The following PRKD1 variants were observed in gnomAD, a reference collection of about 807,000 sequenced individuals.
PRKD1 encodes the protein serine/threonine-protein kinase D1.
A neutral mutation model predicts 95.9 loss-of-function variants in PRKD1; 63 were observed. The ratio of observed to expected loss-of-function variants is 0.66; its 90% CI spans 0.54 to 0.81. The LOEUF is 0.81. PRKD1 is among the 30% of genes least tolerant of loss of function. The probability of loss-of-function intolerance (pLI) is 0.00; values close to 1 mark genes in which losing one functional copy is unlikely to be tolerated. For synonymous variants in PRKD1, 425 were observed against 423.1 expected (o/e 1.00, Z -0.05); for missense variants, 1,048 against 1,165.3 (o/e 0.90, Z 1.47).
chr14:29,795,837 A>G (rs1002515958), intron 1 of PRKD1, among the ~76,000 whole-genome samples: 1 of 152,134 alleles, frequency 6.6e-6, no homozygotes, highest in African/African-American at 2.4e-5. Flanking sequence ...TTATAATTCA[A>G]CTTTCAATGT....
intron 2 of PRKD1, among the ~76,000 whole-genome samples, chr14:29,666,618 T>C (rs1882528844): frequency 6.6e-6 from 1 of 152,168 alleles, no homozygotes; most frequent in African/African-American, 2.4e-5. Context: ...TGAATTCAGA[T>C]AGATCCGAAA....
intron 1 of PRKD1, among the ~76,000 whole-genome samples, chr14:29,726,999 GT>G (rs1886186786): frequency 6.6e-6 from 1 of 152,124 alleles, no homozygotes; most frequent in Non-Finnish European, 1.5e-5. Context: ...GGTTGAACTA[GT>G]TTACAGTCCC....
At chr14:29,595,862 A>T (rs985812236) in intron 16 of PRKD1, among the ~76,000 whole-genome samples, 2 of 152,226 alleles carry the variant, frequency 1.3e-5, no homozygotes, top group African/African-American at 2.4e-5. Context: ...TTTCTAGATG[A>T]GCAATATCAA....
chr14:29,836,696 C>T (rs1891624080), intron 1 of PRKD1, among the ~76,000 whole-genome samples: 1 of 152,134 alleles, frequency 6.6e-6, no homozygotes, highest in Admixed American at 6.5e-5. Flanking sequence ...AGAAAAGCAG[C>T]CTCCCCTAGA....
At chr14:29,664,213 T>A (rs933296753) in intron 3 of PRKD1, among the ~76,000 whole-genome samples, 1 of 152,158 alleles carries the variant, frequency 6.6e-6, no homozygotes, top group Non-Finnish European at 1.5e-5. Flanking sequence ...TAAAGGAATA[T>A]TAATCACAGC....
chr14:29,750,616 G>GCGCACACACACACACACACA lies in PRKD1; in HGVS notation c.265-24943_265-24942insTGTGTGTGTGTGTGTGTGCG, dbSNP rs72239992. Among the ~76,000 whole-genome samples the GCGCACACACACACACACACA allele has an allele frequency of 2.2e-3, 334 of 148,476 alleles. 1 individual carries two copies. The highest frequency in any genetic ancestry group is 7.9e-3 in the African/African-American group (320 of 40,374). On this transcript the variant is annotated intron_variant, in intron 1 of 17. Coordinates refer to ENST00000331968, the MANE Select transcript of PRKD1 (RefSeq NM_002742.3). ...CCTATCCCAGGATGCATGAACGCGC[G>GCGCACACACACACACACACA]CACACACACACACACACACACTCAC...
intron 1 of PRKD1, among the ~76,000 whole-genome samples, chr14:29,764,364 G>A (rs1246680370): frequency 3.9e-5 from 6 of 152,124 alleles, no homozygotes; most frequent in Admixed American, 1.3e-4. Flanking sequence ...GAAATATTAG[G>A]TCAATACTGA....
intron 2 of PRKD1, among the ~76,000 whole-genome samples, chr14:29,691,449 T>G (rs1319705812): frequency 6.6e-6 from 1 of 152,232 alleles, no homozygotes; most frequent in Non-Finnish European, 1.5e-5. Context: ...AAACCACTGA[T>G]GTGTAATTTT....
intron 1 of PRKD1, among the ~76,000 whole-genome samples, chr14:29,829,103 T>C (rs1055630497): frequency 3.9e-5 from 6 of 152,130 alleles, no homozygotes; most frequent in Admixed American, 3.9e-4. Flanking sequence ...CCCAAATCCA[T>C]AATCATCCCT....
intron 1 of PRKD1, among the ~76,000 whole-genome samples, chr14:29,740,793 C>A (rs1276497035): frequency 6.6e-6 from 1 of 152,162 alleles, no homozygotes; most frequent in East Asian, 1.9e-4. Context: ...CACATAAAGA[C>A]ACATGCATAT....
chr14:29,656,165 C>T (rs59225984), intron 4 of PRKD1, among the ~76,000 whole-genome samples: 2,995 of 152,170 alleles, frequency 0.02, 105 homozygotes, highest in African/African-American at 0.069. Context: ...CATTAAAAAA[C>T]AAAACAAAAC....
In PRKD1 at chr14:29,663,750, G is replaced by T; in HGVS notation, c.645C>A (p.Ile215=). ...SNVSLTGVST[I]RTSSAELSTS... ...TAGAGAGTTCAGCAGATGATGTGCG[G>T]ATGGTGCTGACCCCAGTGAGGGAAA... The change falls in exon 4 of 18, where the codon ATC becomes ATA. Residue 215 remains isoleucine (I), a synonymous_variant. Transcript: ENST00000331968. 1 of 1,614,078 alleles carries T rather than the reference G, an allele frequency of 6.2e-7. No homozygotes were observed. The highest frequency in any genetic ancestry group is 8.5e-7 in the Non-Finnish European group (1 of 1,179,970).
chr14:29,763,405 G>A (rs1362480096), intron 1 of PRKD1, among the ~76,000 whole-genome samples: 1 of 98,452 alleles, frequency 1.0e-5, no homozygotes, highest in Admixed American at 1.0e-4. Context: ...GGGGAGGGAG[G>A]GAGGGAGAAG....
chr14:29,646,269 T>C (rs1351121585), intron 4 of PRKD1, among the ~76,000 whole-genome samples: 2 of 151,974 alleles, frequency 1.3e-5, no homozygotes, highest in Admixed American at 1.3e-4. Context: ...GAAGGAGGGA[T>C]GGTTAATGGG....
chr14:29,826,855 A>ATATATAT lies in PRKD1; in HGVS notation c.264+100387_264+100393dup, dbSNP rs1482088482. Among the ~76,000 whole-genome samples, 4 of 97,170 alleles carry ATATATAT rather than the reference A, an allele frequency of 4.1e-5. 1 individual carries two copies. Among genetic ancestry groups the ATATATAT allele is most frequent in the Non-Finnish European group, 8.1e-5 (4 of 49,182 alleles). 63.7% of individuals were successfully genotyped at this position (97,170 alleles called of 152,430 possible). ...TATATATATACACACATATATATAT[A>ATATATAT]TATATATATATATATATATATGATG... On this transcript the variant is annotated intron_variant, in intron 1 of 17. Transcript: ENST00000331968.
At chr14:29,636,597 G>C (rs1339223095) in intron 6 of PRKD1, 103 bp from the exon 7 acceptor site, 14 of 1,149,714 alleles carry the variant, frequency 1.2e-5, no homozygotes, top group Non-Finnish European at 1.4e-5. Context: ...AAGCCCCAAA[G>C]AGGTAGTTCT....
intron 1 of PRKD1, among the ~76,000 whole-genome samples, chr14:29,846,813 G>A (rs1321810556): frequency 1.3e-5 from 2 of 152,196 alleles, no homozygotes; most frequent in Admixed American, 1.3e-4. Flanking sequence ...AGGAGTCAGA[G>A]TTGGGATACA....
At chr14:29,614,651 A>G (rs1312079022) in intron 13 of PRKD1, among the ~76,000 whole-genome samples, 1 of 152,050 alleles carries the variant, frequency 6.6e-6, no homozygotes, top group Non-Finnish European at 1.5e-5. Flanking sequence ...GTCATGGAGA[A>G]TATTTTAGAC....
intron 1 of PRKD1, among the ~76,000 whole-genome samples, chr14:29,767,721 C>G (rs536353915): frequency 6.6e-6 from 1 of 152,302 alleles, no homozygotes; most frequent in African/African-American, 2.4e-5. Flanking sequence ...GCAGCAATGT[C>G]ACATTGTTAC....
Sources: allele counts gnomAD v4.1 joint callset (sites outside exome capture counted in the v4.1 genomes callset), GRCh38; gene constraint gnomAD v4.1.1; transcripts MANE v1.5; gene names NCBI Gene and HGNC (gene_info 2026-07-23, HGNC 2026-07-21).